CAMK4: variants seen among roughly 807,000 people sequenced by gnomAD.
CAMK4 encodes calcium/calmodulin dependent protein kinase IV.
Under a neutral mutation model 44.9 loss-of-function variants are expected in CAMK4, and 22 were observed. The ratio of observed to expected loss-of-function variants is 0.49; its 90% CI spans 0.35 to 0.70. The LOEUF is 0.70. CAMK4 is among the 30% of genes least tolerant of loss of function. The pLI is 0.01. For missense variants in CAMK4, 498 were observed against 586.8 expected (o/e 0.85, Z 1.56); for synonymous variants, 218 against 215.4 (o/e 1.01, Z -0.11).
chr5:111,439,651 G>A (rs1753759654), intron 5 of CAMK4, among the ~76,000 whole-genome samples: 1 of 152,166 alleles, frequency 6.6e-6, no homozygotes, highest in Non-Finnish European at 1.5e-5. Flanking sequence ...GTTGAATGGA[G>A]TCCAGAGCTA....
intron 5 of CAMK4, among the ~76,000 whole-genome samples, chr5:111,434,968 T>A (rs982701209): frequency 6.6e-6 from 1 of 152,218 alleles, no homozygotes; most frequent in South Asian, 2.1e-4. Flanking sequence ...ACACAGCCCA[T>A]TGAACACAGC....
intron 7 of CAMK4, among the ~76,000 whole-genome samples, chr5:111,450,646 G>A (rs929177079): frequency 1.4e-5 from 2 of 146,096 alleles, no homozygotes; most frequent in African/African-American, 2.6e-5. Flanking sequence ...AAAATAACCC[G>A]GCATGGTGGC....
chr5:111,365,433 T>C (rs1750755298), intron 2 of CAMK4, among the ~76,000 whole-genome samples: 1 of 152,032 alleles, frequency 6.6e-6, no homozygotes, highest in Non-Finnish European at 1.5e-5. Flanking sequence ...GAACCATCCA[T>C]GTGAAAGTTG....
intron 2 of CAMK4, among the ~76,000 whole-genome samples, chr5:111,366,112 A>G (rs1431323864): frequency 6.6e-6 from 1 of 152,184 alleles, no homozygotes; most frequent in East Asian, 1.9e-4. Flanking sequence ...TTATTTATTT[A>G]TGCATTAATG....
intron 1 of CAMK4, among the ~76,000 whole-genome samples, chr5:111,297,853 C>G (rs184900716): frequency 6.6e-6 from 1 of 152,054 alleles, no homozygotes; most frequent in Admixed American, 6.5e-5. Flanking sequence ...GATTCTGGTG[C>G]CTTTTACCTG....
At chr5:111,349,330 A>G (rs1472257241) in intron 2 of CAMK4, among the ~76,000 whole-genome samples, 1 of 151,974 alleles carries the variant, frequency 6.6e-6, no homozygotes, top group African/African-American at 2.4e-5. Flanking sequence ...AACAAGGCTA[A>G]CTTTTTTCTT....
chr5:111,368,060 T>C (rs1463552355), intron 2 of CAMK4, among the ~76,000 whole-genome samples: 1 of 152,142 alleles, frequency 6.6e-6, no homozygotes, highest in African/African-American at 2.4e-5. Flanking sequence ...TCTAGGGAAC[T>C]TGGGCTAATT....
chr5:111,339,445 G>A (rs1749548190), intron 1 of CAMK4, among the ~76,000 whole-genome samples: 1 of 151,114 alleles, frequency 6.6e-6, no homozygotes. Flanking sequence ...TTTTGCTTTT[G>A]GATGTCCAGT....
chr5:111,358,472 T>C (rs1443245386), intron 2 of CAMK4, among the ~76,000 whole-genome samples: 1 of 151,966 alleles, frequency 6.6e-6, no homozygotes, highest in Non-Finnish European at 1.5e-5. Context: ...TTGAAGAGTA[T>C]CAGATGGATA....
intron 5 of CAMK4, among the ~76,000 whole-genome samples, chr5:111,417,015 G>C (rs1358102132): frequency 6.6e-6 from 1 of 152,012 alleles, no homozygotes; most frequent in Non-Finnish European, 1.5e-5. Context: ...AACTATTTTG[G>C]TAAATAAATA....
intron 1 of CAMK4, among the ~76,000 whole-genome samples, chr5:111,326,326 G>A (rs905343846): frequency 2.0e-5 from 3 of 151,336 alleles, no homozygotes; most frequent in African/African-American, 7.3e-5. Flanking sequence ...AACAATTTTG[G>A]GCTAATACAT....
chr5:111,481,193 T>C (rs1755423035), intron 9 of CAMK4, among the ~76,000 whole-genome samples: 1 of 152,182 alleles, frequency 6.6e-6, no homozygotes. Flanking sequence ...CTTTGTATTT[T>C]TGTGAGGAAG....
intron 5 of CAMK4, among the ~76,000 whole-genome samples, chr5:111,404,232 T>G (rs1752335724): frequency 1.3e-5 from 2 of 152,220 alleles, no homozygotes; most frequent in South Asian, 4.1e-4. Flanking sequence ...CCATGTTCAC[T>G]TTGGGATGGA....
At chr5:111,483,343 A>G (rs956598023) in intron 10 of CAMK4, among the ~76,000 whole-genome samples, 1 of 152,176 alleles carries the variant, frequency 6.6e-6, no homozygotes, top group Admixed American at 6.5e-5. Context: ...ATAAATAATT[A>G]CTTGACAAAA....
intron 7 of CAMK4, among the ~76,000 whole-genome samples, chr5:111,468,338 A>G (rs1754920313): frequency 6.6e-6 from 1 of 152,216 alleles, no homozygotes; most frequent in Non-Finnish European, 1.5e-5. Context: ...TAAAAATATC[A>G]AGAAAACTGT....
chr5:111,384,967 T>C (rs969327845), intron 4 of CAMK4, among the ~76,000 whole-genome samples: 24 of 152,192 alleles, frequency 1.6e-4, no homozygotes, highest in African/African-American at 5.8e-4. Context: ...TTCCCACCAA[T>C]GTATTAACCA....
chr5:111,484,248 A>C lies in CAMK4; in HGVS notation c.1204A>C (p.Lys402Gln). ...AELMKVQALE[K>Q]VKGADINAEE... ...GCTGATGAAGGTGCAAGCCTTAGAGAAAGTTAAAGGTGCAGATATAAATGC... is the reference window on the plus strand; with the variant it reads ...GCTGATGAAGGTGCAAGCCTTAGAGCAAGTTAAAGGTGCAGATATAAATGC... The change falls in exon 11 of 11, where the codon AAA becomes CAA. Residue 402 changes from lysine (K) to glutamine (Q), a missense_variant. By Grantham distance (53) the Lys-to-Gln change is moderately conservative. Coordinates refer to ENST00000282356, the MANE Select transcript of CAMK4 (RefSeq NM_001744.6). The surrounding 1 kb of genome is among the most constrained non-coding windows in gnomAD (Gnocchi z 5.3). 1 of 1,614,160 alleles carries C rather than the reference A, an allele frequency of 6.2e-7. No individual in the cohort carries two copies. The highest frequency in any genetic ancestry group is 1.3e-5 in the African/African-American group (1 of 75,072).
intron 1 of CAMK4, among the ~76,000 whole-genome samples, chr5:111,326,587 T>TA (rs1748897235): frequency 6.6e-6 from 1 of 151,722 alleles, no homozygotes; most frequent in Admixed American, 6.6e-5. Context: ...CACCTTTTTT[T>TA]TTTAAATAGA....
chr5:111,391,975 C>T (rs1015757536), intron 4 of CAMK4, among the ~76,000 whole-genome samples: 2 of 152,134 alleles, frequency 1.3e-5, no homozygotes, highest in Non-Finnish European at 2.9e-5. Flanking sequence ...CTCTTTCCTC[C>T]TGCTACTTTG....
Sources: gnomAD v4.1 joint callset for allele counts (sites outside exome capture counted in the v4.1 genomes callset) on GRCh38, gnomAD v4.1.1 for gene constraint, Gnocchi (gnomAD v3.1) non-coding constraint, MANE v1.5 for transcripts, NCBI Gene and HGNC (gene_info 2026-07-23, HGNC 2026-07-21) for gene names.